GCSH: variants seen among roughly 807,000 people sequenced by gnomAD.
The protein encoded by GCSH is glycine cleavage system H protein, mitochondrial.
GCSH carries 15 observed loss-of-function variants against 21.3 expected under a neutral mutation model. The ratio of observed to expected loss-of-function variants is 0.70; its 90% CI spans 0.47 to 1.08. The LOEUF (loss-of-function observed/expected upper bound fraction) is 1.08, where lower values mean the gene tolerates loss of function less well. GCSH is among the 50% of genes least tolerant of loss of function. GCSH has a pLI of 0.00. For missense variants in GCSH, 179 were observed against 217.5 expected (o/e 0.82, Z 1.11); for synonymous variants, 59 against 84.5 (o/e 0.70, Z 1.66).
chr16:81,087,749 C>T (rs1972312573), intron 2 of GCSH, 85 bp from the exon 3 acceptor site: 1 of 872,570 alleles, frequency 1.1e-6, no homozygotes, highest in African/African-American at 1.7e-5. Flanking sequence ...ACACTGAATC[C>T]CCTATAATGA....
chr16:81,090,543 A>C, intron 2 of GCSH, 58 bp downstream of exon 2: 1 of 1,151,496 alleles, frequency 8.7e-7, no homozygotes, highest in Non-Finnish European at 1.3e-6. Context: ...AAAAAGGTAG[A>C]GATAAAGCAA....
intron 1 of GCSH, 156 bp from the exon 2 acceptor site, chr16:81,090,836 AT>A: frequency 1.4e-6 from 1 of 692,132 alleles, no homozygotes; most frequent in East Asian, 2.7e-5. Context: ...AATGAAGATC[AT>A]GTATAGAGAT....
At chr16:81,083,240 G>C (rs997643122) in intron 4 of GCSH, 2 of 407,816 alleles carry the variant, frequency 4.9e-6, no homozygotes, top group Non-Finnish European at 9.2e-6. Context: ...TTTAAGGGCC[G>C]GGCACGGTGG....
chr16:81,091,754 A>G (rs1169206069), intron 1 of GCSH, among the ~76,000 whole-genome samples: 1 of 152,118 alleles, frequency 6.6e-6, no homozygotes, highest in Non-Finnish European at 1.5e-5. Flanking sequence ...TCTGATACGC[A>G]GCACAACGTA....
intron 1 of GCSH, among the ~76,000 whole-genome samples, chr16:81,095,135 G>C (rs748054911): frequency 6.6e-6 from 1 of 151,382 alleles, no homozygotes; most frequent in Non-Finnish European, 1.5e-5. Flanking sequence ...TTTTTCCCCT[G>C]CAATAATTGT....
intron 3 of GCSH, 132 bp downstream of exon 3, chr16:81,087,469 G>C (rs1972306720): frequency 2.8e-6 from 2 of 723,206 alleles, no homozygotes. Flanking sequence ...CTGCACTCCA[G>C]CCTGGGTGAC....
chr16:81,090,113 T>C (rs969802929), intron 2 of GCSH, among the ~76,000 whole-genome samples: 4 of 149,604 alleles, frequency 2.7e-5, no homozygotes, highest in South Asian at 2.1e-4. Flanking sequence ...TTTTTGGAGA[T>C]GGAGTCTCAC....
In GCSH at chr16:81,081,959, G is replaced by C; in HGVS notation, c.*907C>G. 2.2e-6 allele frequency: 1 copy of C among 447,536 alleles called. No homozygotes were observed. The highest frequency in any genetic ancestry group is 4.5e-6 in the Non-Finnish European group (1 of 222,326). The allele number at this position is 447,536 out of a possible 1,614,324, so 27.7% of individuals were successfully genotyped here. A position where few individuals can be genotyped will look rare whatever the true frequency, so the allele number is the denominator to read the frequency against. ...AGAGTCCATTATCTGAGCTCATAAAGCTTCAGTCCTTGTCCACTTTTATTC... is the reference window on the plus strand; with the variant it reads ...AGAGTCCATTATCTGAGCTCATAAACCTTCAGTCCTTGTCCACTTTTATTC... On this transcript the variant is annotated 3_prime_UTR_variant, in exon 5 of 5. Coordinates refer to ENST00000315467, the MANE Select transcript of GCSH (RefSeq NM_004483.5).
At chr16:81,090,108 G>T (rs1172840979) in intron 2 of GCSH, among the ~76,000 whole-genome samples, 59 of 132,932 alleles carry the variant, frequency 4.4e-4, no homozygotes, top group Non-Finnish European at 6.1e-4. Context: ...TTTTTTTTTT[G>T]GAGATGGAGT....
At chr16:81,083,457 CAGTG>C in intron 4 of GCSH, 2 of 185,176 alleles carry the variant, frequency 1.1e-5, no homozygotes, top group South Asian at 1.1e-4. Flanking sequence ...GGGGAGGTTG[CAGTG>C]CACCGAGATC....
At chr16:81,083,292 C>G in intron 4 of GCSH, 1 of 329,576 alleles carries the variant, frequency 3.0e-6, no homozygotes, top group South Asian at 2.7e-5. Context: ...CGAAGGCAAG[C>G]AAATCACTTG....
rs757793894 is a variant in GCSH, at chr16:81,082,829, G to T, written c.*37C>A. The T allele has an allele frequency of 1.2e-5, 11 of 902,448 alleles. No homozygotes were observed. Among genetic ancestry groups the T allele is most frequent in the Non-Finnish European group, 1.9e-5 (10 of 537,750 alleles). 55.9% of individuals were successfully genotyped at this position (902,448 alleles called of 1,614,324 possible). On this transcript the variant is annotated 3_prime_UTR_variant, in exon 5 of 5. Transcript: ENST00000315467. ...TAATTTAAGACAACTCTGCTGGCTT[G>T]CGTTATTTCATACTAGTTTATTTAG...
chr16:81,084,894 T>G (rs1352965554), intron 3 of GCSH, among the ~76,000 whole-genome samples: 1 of 151,638 alleles, frequency 6.6e-6, no homozygotes, highest in Admixed American at 6.6e-5. Context: ...TTTTTGTATT[T>G]GTAGTAGAGA....
In GCSH at chr16:81,087,540, T is replaced by C. The variant is rs7200400; in HGVS notation, c.292+61A>G. On this transcript the variant is annotated intron_variant, in intron 3 of 4. Transcript: ENST00000315467. ...TAATTAATCCAGGGTACAAACAAATTACTATTCAATGTAAACAAAATTCAT... is the reference window on the plus strand; with the variant it reads ...TAATTAATCCAGGGTACAAACAAATCACTATTCAATGTAAACAAAATTCAT... 0.97 allele frequency: 1,078,127 copies of C among 1,115,278 alleles called. 524,898 individuals carry two copies. Among genetic ancestry groups the C allele is most frequent in the Non-Finnish European group, 1 (727,150 of 730,738 alleles). 69.1% of individuals were successfully genotyped at this position (1,115,278 alleles called of 1,614,324 possible). A position where few individuals can be genotyped will look rare whatever the true frequency, so the allele number is the denominator to read the frequency against.
rs894070016 is a variant in GCSH at position 81,093,030 on chromosome 16, G to A, written c.149-2350C>T. On this transcript the variant is annotated intron_variant, in intron 1 of 4. Transcript: ENST00000315467. ...GCCTATAATCCTAGCTACTTGGGAG[G>A]CTGAGGCAGGAGAATCACTTGAACC... Among the ~76,000 whole-genome samples the A allele has an allele frequency of 3.3e-5, 5 of 151,856 alleles. No individual in the cohort carries two copies. The East Asian group carries it at 7.7e-4, about 24-fold the overall frequency.
Position 81,090,647 on chromosome 16 carries a change from G to A in GCSH, c.182C>T (p.Thr61Ile), listed in dbSNP as rs1164393568. Reference sequence around the variant, plus strand: ...CACTGTTCCAATGCCATTTTCTGTTGTTACCCATTCGTGTTTCTCTGTGAA... The same window carrying A: ...CACTGTTCCAATGCCATTTTCTGTTATTACCCATTCGTGTTTCTCTGTGAA... Reference protein sequence around the residue: ...RKFTEKHEWVTTENGIGTVGI... With the variant: ...RKFTEKHEWVITENGIGTVGI... The change falls in exon 2 of 5, where the codon ACA becomes ATA. Residue 61 changes from threonine (T) to isoleucine (I), a missense_variant. By Grantham distance (89) the Thr-to-Ile change is moderately conservative. Coordinates refer to ENST00000315467, the MANE Select transcript of GCSH (RefSeq NM_004483.5). The A allele has an allele frequency of 1.9e-6, 3 of 1,612,784 alleles. No individual in the cohort carries two copies. The highest frequency in any genetic ancestry group is 2.5e-6 in the Non-Finnish European group (3 of 1,178,944).
intron 1 of GCSH, among the ~76,000 whole-genome samples, chr16:81,092,603 T>C (rs1972418762): frequency 6.6e-6 from 1 of 150,682 alleles, no homozygotes; most frequent in South Asian, 2.1e-4. Flanking sequence ...ATTAGCCAGG[T>C]GTGGTGGCAC....
At chr16:81,092,091 T>TA in intron 1 of GCSH, among the ~76,000 whole-genome samples, 1 of 152,108 alleles carries the variant, frequency 6.6e-6, no homozygotes, top group Non-Finnish European at 1.5e-5. Flanking sequence ...GTAAGAAAGT[T>TA]TAAGATGTGT....
At position 81,083,014 on chromosome 16, in the gene GCSH, A is replaced by G. The variant is rs762005438; in HGVS notation, c.425-51T>C. 7 of 1,077,228 alleles carry G rather than the reference A, an allele frequency of 6.5e-6. No homozygotes were observed. The Admixed American group carries it at 6.7e-5, about 10-fold the overall frequency. The allele number at this position is 1,077,228 out of a possible 1,614,324, so 66.7% of individuals were successfully genotyped here. ...TCCACATTAACTTTTTAAAAAGTCA[A>G]ATTCATCCAAAACGTAAAATAAATT... On this transcript the variant is annotated intron_variant, in intron 4 of 4. Coordinates refer to ENST00000315467, the MANE Select transcript of GCSH (RefSeq NM_004483.5).
Sources: allele counts gnomAD v4.1 joint callset (sites outside exome capture counted in the v4.1 genomes callset), GRCh38; gene constraint gnomAD v4.1.1; transcripts MANE v1.5; gene names NCBI Gene and HGNC (gene_info 2026-07-23, HGNC 2026-07-21).